The following VPS8 variants were observed in gnomAD, a reference collection of about 807,000 sequenced individuals.
VPS8 encodes vacuolar protein sorting-associated protein 8 homolog.
In VPS8, 129 loss-of-function variants were observed where a neutral mutation model predicts 216.4. The ratio of observed to expected loss-of-function variants is 0.60; its 90% CI spans 0.52 to 0.69. The LOEUF (loss-of-function observed/expected upper bound fraction) is 0.69. Among genes scored for constraint, VPS8 ranks in the 30% least tolerant of loss-of-function variants. The pLI is 0.00. For missense variants in VPS8, 1,531 were observed against 1,683.5 expected (o/e 0.91, Z 1.59); for synonymous variants, 571 against 565.4 (o/e 1.01, Z -0.14).
At chr3:184,945,586 T>C (rs1481341262) in intron 36 of VPS8, among the ~76,000 whole-genome samples, 1 of 152,162 alleles carries the variant, frequency 6.6e-6, no homozygotes, top group Non-Finnish European at 1.5e-5. Flanking sequence ...CTTCTCTGTC[T>C]CTTATATGTG....
chr3:185,051,742 TA>T, intron 47 of VPS8, 133 bp from the exon 48 acceptor site: 1 of 1,136,382 alleles, frequency 8.8e-7, no homozygotes, highest in Non-Finnish European at 1.2e-6. Flanking sequence ...TATATGGACC[TA>T]AGATTCAAAC....
intron 22 of VPS8, among the ~76,000 whole-genome samples, chr3:184,892,891 G>A (rs1292085305): frequency 6.6e-6 from 1 of 152,108 alleles, no homozygotes; most frequent in Non-Finnish European, 1.5e-5. Flanking sequence ...ACATTACAGA[G>A]TACAAGGGCT....
chr3:184,943,209 T>C (rs1307745376), intron 36 of VPS8, among the ~76,000 whole-genome samples: 2 of 152,230 alleles, frequency 1.3e-5, no homozygotes, highest in Non-Finnish European at 2.9e-5. Flanking sequence ...TGTCAGTTTC[T>C]GTATTGTATG....
At chr3:184,883,584 G>C (rs902363082) in intron 21 of VPS8, among the ~76,000 whole-genome samples, 1 of 152,002 alleles carries the variant, frequency 6.6e-6, no homozygotes, top group Non-Finnish European at 1.5e-5. Flanking sequence ...TTTTGTCCAC[G>C]GTTCTTTATA....
intron 45 of VPS8, among the ~76,000 whole-genome samples, chr3:185,013,083 C>T (rs964149302): frequency 6.6e-6 from 1 of 152,240 alleles, no homozygotes; most frequent in Non-Finnish European, 1.5e-5. Flanking sequence ...ACAGATCACT[C>T]ATGCTATTGT....
chr3:184,994,338 C>CA lies in VPS8; in HGVS notation c.3666+281dup, dbSNP rs201312839. 3.3e-5 allele frequency among the ~76,000 whole-genome samples: 5 copies of CA among 151,500 alleles called. No individual in the cohort carries two copies. The East Asian group carries it at 9.7e-4, about 29-fold the overall frequency. On this transcript the variant is annotated intron_variant, in intron 43 of 47. Transcript: ENST00000625842. Reference sequence around the variant, plus strand: ...GCAACATAGCAAGACTCTGTCTCTACAAAAAATAAAAAAAAATTAGCTGGG... The same window carrying CA: ...GCAACATAGCAAGACTCTGTCTCTACAAAAAAATAAAAAAAAATTAGCTGGG...
At chr3:184,876,299 A>G (rs1464438776) in intron 21 of VPS8, among the ~76,000 whole-genome samples, 5 of 151,798 alleles carry the variant, frequency 3.3e-5, no homozygotes, top group Admixed American at 2.0e-4. Flanking sequence ...ATGTTTGTCA[A>G]GATGTCTGTG....
intron 46 of VPS8, among the ~76,000 whole-genome samples, chr3:185,033,757 A>G (rs948987106): frequency 2.6e-5 from 4 of 152,158 alleles, no homozygotes; most frequent in African/African-American, 9.7e-5. Context: ...GAGAGTTCCT[A>G]TTGCTCCACA....
intron 22 of VPS8, among the ~76,000 whole-genome samples, chr3:184,887,862 T>C (rs1731564680): frequency 6.6e-6 from 1 of 152,220 alleles, no homozygotes; most frequent in African/African-American, 2.4e-5. Flanking sequence ...TTTGATGAAG[T>C]CATAGATAGC....
In VPS8 at chr3:184,834,688, A is replaced by G; in HGVS notation, c.393A>G (p.Ser131=). The G allele has an allele frequency of 6.4e-7, 1 of 1,559,066 alleles. No individual in the cohort carries two copies. The highest frequency in any genetic ancestry group is 1.2e-5 in the South Asian group (1 of 83,834). Reference sequence around the variant, plus strand: ...CTGATTCTTTTTCACTTCATGGATCAGTTATGCGCCATTCACTTTTGAAGG... The same window carrying G: ...CTGATTCTTTTTCACTTCATGGATCGGTTATGCGCCATTCACTTTTGAAGG... ...KLPDSFSLHG[S]VMRHSLLKGI... Residue 131 remains serine (S), a synonymous_variant, in exon 5 of 48, where the codon TCA becomes TCG. Coordinates refer to ENST00000625842, the MANE Select transcript of VPS8 (RefSeq NM_001009921.3).
Position 185,051,970 on chromosome 3 carries a change from T to TC in VPS8, c.4234dup (p.Gln1412ProfsTer3). 1.2e-6 allele frequency: 2 copies of TC among 1,612,980 alleles called. No individual in the cohort carries two copies. The highest frequency in any genetic ancestry group is 8.5e-7 in the Non-Finnish European group (1 of 1,179,184). ...AGTGCTCCTGCTTTCAACAGCATCT[T>TC]CCAGAATGAGAACTTCCAGCTGCAG... is the stretch of plus-strand genomic sequence containing the variant. On this transcript the variant is annotated frameshift_variant, in exon 48 of 48. Coordinates refer to ENST00000625842, the MANE Select transcript of VPS8 (RefSeq NM_001009921.3). LOFTEE classifies it high-confidence loss of function.
At chr3:184,889,031 T>C (rs920308876) in intron 22 of VPS8, among the ~76,000 whole-genome samples, 1 of 152,222 alleles carries the variant, frequency 6.6e-6, no homozygotes, top group Non-Finnish European at 1.5e-5. Context: ...TATTTTGTTA[T>C]TCCCTAAAAT....
intron 42 of VPS8, 54 bp from the exon 43 acceptor site, chr3:184,993,929 T>A: frequency 7.3e-7 from 1 of 1,370,366 alleles, no homozygotes; most frequent in South Asian, 1.4e-5. Context: ...ACTTACATTT[T>A]AAAGTAATTT....
At chr3:184,940,697 C>A (rs1560782378) in intron 36 of VPS8, among the ~76,000 whole-genome samples, 1 of 152,104 alleles carries the variant, frequency 6.6e-6, no homozygotes, top group Non-Finnish European at 1.5e-5. Flanking sequence ...TAAACAACTT[C>A]CTGATGGTGT....
intron 45 of VPS8, among the ~76,000 whole-genome samples, chr3:185,021,904 G>T (rs943599713): frequency 2.0e-5 from 3 of 152,186 alleles, no homozygotes; most frequent in South Asian, 2.1e-4. Flanking sequence ...CTGTTTACCA[G>T]CACCTCATTC....
chr3:184,863,452 C>A (rs1726754265), intron 16 of VPS8, among the ~76,000 whole-genome samples: 1 of 152,060 alleles, frequency 6.6e-6, no homozygotes, highest in Non-Finnish European at 1.5e-5. Context: ...CAGACAGGTA[C>A]TCTATGAGGC....
intron 8 of VPS8, among the ~76,000 whole-genome samples, chr3:184,844,453 AAAAGAATAGTATT>A (rs1406660432): frequency 6.6e-6 from 1 of 152,044 alleles, no homozygotes; most frequent in African/African-American, 2.4e-5. Flanking sequence ...AAAAAATAAG[AAAAGAATAGTATT>A]AAAGAATAGT....
chr3:184,854,985 T>G (rs1341193892), intron 13 of VPS8, among the ~76,000 whole-genome samples: 1 of 152,164 alleles, frequency 6.6e-6, no homozygotes, highest in Non-Finnish European at 1.5e-5. Flanking sequence ...GAACTCACTT[T>G]TGTTTTCTTG....
intron 18 of VPS8, 73 bp downstream of exon 18, chr3:184,868,132 CAGA>C (rs1727706164): frequency 6.0e-6 from 9 of 1,489,356 alleles, no homozygotes; most frequent in South Asian, 2.3e-5. Flanking sequence ...TTTGACTTTT[CAGA>C]AGAAGATTAT....
Sources: allele counts gnomAD v4.1 joint callset (sites outside exome capture counted in the v4.1 genomes callset), GRCh38; gene constraint gnomAD v4.1.1; transcripts MANE v1.5; gene names NCBI Gene and HGNC (gene_info 2026-07-23, HGNC 2026-07-21).